Variants in DOCK3 observed in about 807,000 individuals in gnomAD.
DOCK3 encodes dedicator of cytokinesis protein 3.
Under a neutral mutation model 265.6 loss-of-function variants are expected in DOCK3, and 60 were observed. That is an observed-to-expected ratio of 0.23 (90% CI 0.18 to 0.28). DOCK3 has a LOEUF of 0.28. DOCK3 is among the 10% of genes least tolerant of loss of function. The probability of loss-of-function intolerance (pLI) is 1.00; values close to 1 mark genes in which losing one functional copy is unlikely to be tolerated. For missense variants in DOCK3, 1,981 were observed against 2,594.3 expected (o/e 0.76, Z 5.14); for synonymous variants, 881 against 938.0 (o/e 0.94, Z 1.11).
At chr3:50,962,952 C>T (rs948237563) in intron 5 of DOCK3, among the ~76,000 whole-genome samples, 5 of 152,114 alleles carry the variant, frequency 3.3e-5, no homozygotes, top group African/African-American at 1.2e-4. Context: ...TTTGGGAGGC[C>T]GAGGCGGGTA....
chr3:50,704,192 G>T (rs767837601), intron 1 of DOCK3, among the ~76,000 whole-genome samples: 1 of 152,160 alleles, frequency 6.6e-6, no homozygotes, highest in African/African-American at 2.4e-5. Flanking sequence ...ATGGCCTAAC[G>T]TATGGTCTAT....
At chr3:50,699,928 G>C (rs1042907874) in intron 1 of DOCK3, among the ~76,000 whole-genome samples, 1 of 152,102 alleles carries the variant, frequency 6.6e-6, no homozygotes, top group Non-Finnish European at 1.5e-5. Flanking sequence ...AGCAAATTAG[G>C]ATATGTAAGA....
intron 36 of DOCK3, 96 bp from the exon 37 acceptor site, chr3:51,338,839 C>A (rs2085046288): frequency 2.8e-6 from 3 of 1,058,386 alleles, no homozygotes; most frequent in Non-Finnish European, 4.3e-6. Context: ...TGCCCTCCCC[C>A]TCCTGCCCAG....
chr3:51,102,795 A>G (rs2083137926), intron 9 of DOCK3, among the ~76,000 whole-genome samples: 1 of 152,242 alleles, frequency 6.6e-6, no homozygotes, highest in South Asian at 2.1e-4. Flanking sequence ...TAAAATATAT[A>G]CAATTATGAG....
intron 27 of DOCK3, among the ~76,000 whole-genome samples, chr3:51,308,989 C>A (rs1234605098): frequency 6.8e-6 from 1 of 147,386 alleles, no homozygotes; most frequent in Non-Finnish European, 1.5e-5. Context: ...CCAGACGGGG[C>A]GGCGGGGCAG....
chr3:50,825,657 G>A (rs2044716489), intron 2 of DOCK3, among the ~76,000 whole-genome samples: 2 of 152,100 alleles, frequency 1.3e-5, no homozygotes, highest in South Asian at 4.1e-4. Context: ...AAGACTGACA[G>A]CCTTCATCCT....
chr3:51,314,839 A>C, intron 31 of DOCK3, 141 bp from the exon 32 acceptor site: 1 of 1,006,756 alleles, frequency 9.9e-7, no homozygotes, highest in Non-Finnish European at 1.3e-6. Context: ...GAGGGAGAGT[A>C]CCTCAGAAAA....
intron 9 of DOCK3, among the ~76,000 whole-genome samples, chr3:51,144,117 G>C (rs2085189811): frequency 6.6e-6 from 1 of 151,956 alleles, no homozygotes; most frequent in Admixed American, 6.6e-5. Context: ...ACCCCCCCTT[G>C]ATACCTTTAT....
At chr3:50,793,711 G>C (rs1256967973) in intron 2 of DOCK3, among the ~76,000 whole-genome samples, 1 of 138,618 alleles carries the variant, frequency 7.2e-6, no homozygotes, top group Non-Finnish European at 1.6e-5. Context: ...ATGATCTTTT[G>C]AATGGTTTTT....
chr3:51,256,101 C>T (rs2108714370), intron 22 of DOCK3, among the ~76,000 whole-genome samples: 1 of 152,304 alleles, frequency 6.6e-6, no homozygotes, highest in East Asian at 1.9e-4. Flanking sequence ...TCAGGACCCT[C>T]AGCTGCAGGT....
At chr3:50,978,776 G>A (rs1219920521) in intron 5 of DOCK3, among the ~76,000 whole-genome samples, 1 of 152,196 alleles carries the variant, frequency 6.6e-6, no homozygotes, top group Non-Finnish European at 1.5e-5. Flanking sequence ...ATCTGAAACT[G>A]CTGTGCTAGC....
chr3:50,927,121 G>C (rs141293189), intron 4 of DOCK3, among the ~76,000 whole-genome samples: 1 of 152,250 alleles, frequency 6.6e-6, no homozygotes, highest in Non-Finnish European at 1.5e-5. Context: ...CCTGCCTTGA[G>C]GCTTCTATTG....
intron 2 of DOCK3, among the ~76,000 whole-genome samples, chr3:50,799,179 A>T (rs1231899863): frequency 6.6e-6 from 1 of 151,940 alleles, no homozygotes; most frequent in Non-Finnish European, 1.5e-5. Context: ...TTTGCCCAAG[A>T]TTGCTTTGAG....
At chr3:51,151,495 C>G (rs1387071694) in intron 10 of DOCK3, among the ~76,000 whole-genome samples, 1 of 152,134 alleles carries the variant, frequency 6.6e-6, no homozygotes, top group Non-Finnish European at 1.5e-5. Context: ...TTAGACAGAT[C>G]AATGAGACAG....
intron 5 of DOCK3, among the ~76,000 whole-genome samples, chr3:50,944,498 T>C (rs1472548036): frequency 6.6e-6 from 1 of 152,196 alleles, no homozygotes; most frequent in Non-Finnish European, 1.5e-5. Flanking sequence ...CTGGAGGTCA[T>C]GCAAAGAAGT....
chr3:51,298,246 T>C (rs374173209), intron 27 of DOCK3, among the ~76,000 whole-genome samples: 4 of 152,238 alleles, frequency 2.6e-5, no homozygotes, highest in Non-Finnish European at 5.9e-5. Flanking sequence ...CATTTGTTCA[T>C]ACTAGAACCA....
At chr3:50,900,622 T>A in intron 4 of DOCK3, 1 of 428,840 alleles carries the variant, frequency 2.3e-6, no homozygotes, top group Non-Finnish European at 4.6e-6. Flanking sequence ...TTATCTACCT[T>A]TGGTCTTTGA....
intron 1 of DOCK3, among the ~76,000 whole-genome samples, chr3:50,694,465 T>C (rs565758866): frequency 2.0e-5 from 3 of 152,212 alleles, no homozygotes; most frequent in Admixed American, 2.0e-4. Flanking sequence ...AGCTACTGTT[T>C]CTTAGCTAAA....
intron 9 of DOCK3, among the ~76,000 whole-genome samples, chr3:51,096,757 G>A (rs1046471872): frequency 2.6e-5 from 4 of 152,166 alleles, no homozygotes; most frequent in Admixed American, 2.6e-4. Flanking sequence ...TTTGCACTGG[G>A]TTTTCCTCAT....
Sources: allele counts gnomAD v4.1 joint callset (sites outside exome capture counted in the v4.1 genomes callset), GRCh38; gene constraint gnomAD v4.1.1; transcripts MANE v1.5; gene names NCBI Gene and HGNC (gene_info 2026-07-23, HGNC 2026-07-21).